Variants in ITGA6 observed in about 807,000 individuals in gnomAD.
ITGA6 encodes integrin subunit alpha 6.
A neutral mutation model predicts 133.6 loss-of-function variants in ITGA6; 63 were observed. The ratio of observed to expected loss-of-function variants is 0.47; its 90% CI spans 0.38 to 0.58. The LOEUF (loss-of-function observed/expected upper bound fraction) is 0.58. Ranked by LOEUF, ITGA6 falls within the 20% of genes least tolerant of loss-of-function variation. ITGA6 has a pLI of 0.00. For missense variants in ITGA6, 1,068 were observed against 1,309.4 expected, an observed-to-expected ratio of 0.82 and a Z score of 2.85; for synonymous variants, 434 against 482.0, an observed-to-expected ratio of 0.90 and a Z score of 1.30.
At chr2:172,454,305 A>G (rs934646446) in intron 1 of ITGA6, among the ~76,000 whole-genome samples, 1 of 152,046 alleles carries the variant, frequency 6.6e-6, no homozygotes, top group African/African-American at 2.4e-5. Flanking sequence ...GATGGTCTCA[A>G]TCTCCTGACC....
chr2:172,484,900 G>A lies in ITGA6; in HGVS notation c.1668G>A (p.Arg556=). Reference sequence around the variant, plus strand: ...ATACTCAAGAACTAACTCTGAAGAGGCAGAAACAGAAAGTGTGCATGGAGG... The same window carrying A: ...ATACTCAAGAACTAACTCTGAAGAGACAGAAACAGAAAGTGTGCATGGAGG... The part of the protein sequence containing the change: ...PKYTQELTLK[R]QKQKVCMEET... The change falls in exon 12 of 26, where the codon AGG becomes AGA. Residue 556 remains arginine (R), a synonymous_variant. Coordinates refer to ENST00000684293, the MANE Select transcript of ITGA6 (RefSeq NM_000210.4). 5.0e-6 allele frequency: 8 copies of A among 1,614,174 alleles called. No homozygotes were observed. Among genetic ancestry groups the A allele is most frequent in the Non-Finnish European group, 6.8e-6 (8 of 1,180,014 alleles).
At position 172,505,568 on chromosome 2, in the gene ITGA6, A is replaced by C. The variant is rs1327041342; in HGVS notation, c.*1500A>C. On this transcript the variant is annotated 3_prime_UTR_variant, in exon 26 of 26. Transcript: ENST00000684293. Reference sequence around the variant, plus strand: ...TATACATTCAACAGAGACTGAATAGATATGAAAGCTGATTTTTTTTAATTA... The same window carrying C: ...TATACATTCAACAGAGACTGAATAGCTATGAAAGCTGATTTTTTTTAATTA... 1.3e-5 allele frequency: 2 copies of C among 152,620 alleles called. No individual in the cohort carries two copies. The highest frequency in any genetic ancestry group is 4.8e-5 in the African/African-American group (2 of 41,436). The allele number at this position is 152,620 out of a possible 1,614,324, so 9.5% of individuals were successfully genotyped here.
chr2:172,441,558 TTAAAAAAAAAAAAAAAAAAAAA>T (rs1684541814), intron 1 of ITGA6, among the ~76,000 whole-genome samples: 1 of 64,858 alleles, frequency 1.5e-5, no homozygotes, highest in Non-Finnish European at 2.9e-5. Context: ...CGCTGTCTCT[TTAAAAAAAAAAAAAAAAAAAAA>T]AAAAAAAAAA....
intron 1 of ITGA6, among the ~76,000 whole-genome samples, chr2:172,455,133 TATA>T (rs1685159204): frequency 6.8e-6 from 1 of 146,794 alleles, no homozygotes; most frequent in Admixed American, 6.6e-5. Flanking sequence ...TGAAGGCTAT[TATA>T]ATAACTGTGT....
chr2:172,470,879 AC>A (rs1403854342), intron 4 of ITGA6, 94 bp from the exon 5 acceptor site: 2 of 1,315,052 alleles, frequency 1.5e-6, no homozygotes, highest in African/African-American at 2.9e-5. Flanking sequence ...TTTTCCTGTA[AC>A]TAGTGATAGC....
chr2:172,457,576 A>G (rs1685262263), intron 1 of ITGA6, among the ~76,000 whole-genome samples: 1 of 152,208 alleles, frequency 6.6e-6, no homozygotes, highest in African/African-American at 2.4e-5. Context: ...AAACGATCAA[A>G]TGTCAGTTGA....
At chr2:172,431,819 A>G (rs1034628183) in intron 1 of ITGA6, among the ~76,000 whole-genome samples, 4 of 152,186 alleles carry the variant, frequency 2.6e-5, no homozygotes, top group Non-Finnish European at 5.9e-5. Flanking sequence ...CTGGTGTGAG[A>G]CCAAGTAATG....
chr2:172,456,629 C>CT, intron 1 of ITGA6, among the ~76,000 whole-genome samples: 1 of 152,252 alleles, frequency 6.6e-6, no homozygotes, highest in East Asian at 1.9e-4. Context: ...CCCAAAATGG[C>CT]TAAGTACAAC....
At chr2:172,503,042 T>C (rs984364982) in intron 25 of ITGA6, among the ~76,000 whole-genome samples, 1 of 152,104 alleles carries the variant, frequency 6.6e-6, no homozygotes, top group Non-Finnish European at 1.5e-5. Flanking sequence ...ATTTTGCCTA[T>C]TGATTTAGTG....
intron 3 of ITGA6, 80 bp downstream of exon 3, chr2:172,467,640 G>A: frequency 1.8e-6 from 2 of 1,090,672 alleles, no homozygotes; most frequent in Non-Finnish European, 2.8e-6. Context: ...GCAGGGGACA[G>A]CAGGGAGCAT....
intron 1 of ITGA6, among the ~76,000 whole-genome samples, chr2:172,454,558 G>A (rs1685139529): frequency 6.6e-6 from 1 of 152,174 alleles, no homozygotes. Context: ...GCCATTGTTA[G>A]GATCTGAGTT....
intron 1 of ITGA6, among the ~76,000 whole-genome samples, chr2:172,443,846 G>T (rs1684640070): frequency 6.6e-6 from 1 of 152,190 alleles, no homozygotes; most frequent in South Asian, 2.1e-4. Context: ...GCACTCACGG[G>T]TTACTGCAGC....
chr2:172,477,265 C>T (rs140160801), intron 9 of ITGA6, among the ~76,000 whole-genome samples: 7 of 152,300 alleles, frequency 4.6e-5, no homozygotes, highest in South Asian at 4.1e-4. Context: ...CAAAATGGTG[C>T]GACATTTCCC....
intron 1 of ITGA6, among the ~76,000 whole-genome samples, chr2:172,444,078 G>A (rs895444173): frequency 6.6e-6 from 1 of 152,142 alleles, no homozygotes; most frequent in Non-Finnish European, 1.5e-5. Flanking sequence ...CTGGCCCATC[G>A]TTTCATTTGA....
At chr2:172,458,733 A>G (rs1685312833) in intron 1 of ITGA6, among the ~76,000 whole-genome samples, 1 of 152,224 alleles carries the variant, frequency 6.6e-6, no homozygotes, top group Non-Finnish European at 1.5e-5. Flanking sequence ...CTAGCAGCAT[A>G]AAAGGCAATG....
chr2:172,486,286 G>A (rs541522663), intron 13 of ITGA6, among the ~76,000 whole-genome samples: 1 of 151,588 alleles, frequency 6.6e-6, no homozygotes, highest in East Asian at 1.9e-4. Context: ...AGTCCTCACT[G>A]TCTCAGGAGC....
chr2:172,454,091 GT>G (rs35793204), intron 1 of ITGA6, among the ~76,000 whole-genome samples: 56,990 of 142,772 alleles, frequency 0.4, 11,734 homozygotes, highest in East Asian at 0.81. Context: ...GTTTTGTTTT[GT>G]TTTTTTTTTT....
chr2:172,475,479 A>T, intron 7 of ITGA6, 118 bp from the exon 8 acceptor site: 1 of 770,950 alleles, frequency 1.3e-6, no homozygotes, highest in Non-Finnish European at 2.3e-6. Flanking sequence ...AAACAAAAAA[A>T]AACCCCGAAA....
At chr2:172,436,112 A>G (rs1684310164) in intron 1 of ITGA6, among the ~76,000 whole-genome samples, 1 of 152,182 alleles carries the variant, frequency 6.6e-6, no homozygotes, top group Non-Finnish European at 1.5e-5. Context: ...AGGTGGCTTA[A>G]AGACCTGGGT....
Sources: gnomAD v4.1 joint callset for allele counts (sites outside exome capture counted in the v4.1 genomes callset) on GRCh38, gnomAD v4.1.1 for gene constraint, MANE v1.5 for transcripts, NCBI Gene and HGNC (gene_info 2026-07-23, HGNC 2026-07-21) for gene names.